INPP5F: variants seen among roughly 807,000 people sequenced by gnomAD.
The protein encoded by INPP5F is phosphatidylinositide 4-phosphatase SAC2.
A neutral mutation model predicts 137.2 loss-of-function variants in INPP5F; 97 were observed. The ratio of observed to expected loss-of-function variants is 0.71; its 90% CI spans 0.60 to 0.84. The LOEUF (loss-of-function observed/expected upper bound fraction) is 0.84, where lower values mean the gene tolerates loss of function less well. Ranked by LOEUF, INPP5F falls within the 40% of genes least tolerant of loss-of-function variation. The pLI, the probability that INPP5F is intolerant of heterozygous loss-of-function variation, is 0.00. For synonymous variants in INPP5F, 504 were observed against 476.9 expected (o/e 1.06, Z -0.74); for missense variants, 1,271 against 1,371.9 (o/e 0.93, Z 1.16).
chr10:119,765,115 G>A (rs1025089623), intron 2 of INPP5F, among the ~76,000 whole-genome samples: 9 of 151,496 alleles, frequency 5.9e-5, no homozygotes, highest in South Asian at 4.2e-4. Context: ...TGTGTTTTTC[G>A]TAGAGATGGG....
intron 2 of INPP5F, among the ~76,000 whole-genome samples, chr10:119,771,868 A>ATG (rs1849356374): frequency 3.5e-4 from 5 of 14,310 alleles, no homozygotes; most frequent in African/African-American, 1.1e-3. Context: ...ATATATATAT[A>ATG]TATATATATA....
rs370107870 is a variant in INPP5F at position 119,762,393 on chromosome 10, GTC to G, written c.178+11241_178+11242del. 8.6e-4 allele frequency among the ~76,000 whole-genome samples: 131 copies of G among 152,150 alleles called. 2 individuals are homozygous for G. The East Asian group carries it at 0.02, about 23-fold the overall frequency. On this transcript the variant is annotated intron_variant, in intron 2 of 19. Transcript: ENST00000650623. ...AGGAGGCGTGAGGGAGCTCTCCTGG[GTC>G]TCTTTTATAAGGGCACTAATCCCAT...
At chr10:119,791,224 A>G (rs1458094070) in intron 3 of INPP5F, among the ~76,000 whole-genome samples, 5 of 152,238 alleles carry the variant, frequency 3.3e-5, no homozygotes, top group African/African-American at 9.6e-5. Context: ...CAGCCGGAAC[A>G]TTTCACTCTT....
Position 119,806,383 on chromosome 10 carries a change from G to A in INPP5F, c.1343G>A (p.Cys448Tyr), listed in dbSNP as rs766505446. 1 of 1,588,918 alleles carries A rather than the reference G, an allele frequency of 6.3e-7. No individual in the cohort carries two copies. Among genetic ancestry groups the A allele is most frequent in the South Asian group, 1.1e-5 (1 of 87,092 alleles). Residue 448 changes from cysteine (C) to tyrosine (Y), a missense_variant, in exon 12 of 20, where the codon TGT becomes TAT. This residue lies in a region of INPP5F where 593 missense variants were observed against 712.4 expected (regional missense o/e 0.83). Transcript: ENST00000650623. ...WCWVDEAGVI[C>Y]KQEGIFRVNC... ...AGGGTTGATGAAGCTGGGGTAATATGTAAGCAGGAAGGGATTTTTCGTGTT... is the reference window on the plus strand; with the variant it reads ...AGGGTTGATGAAGCTGGGGTAATATATAAGCAGGAAGGGATTTTTCGTGTT...
At chr10:119,813,643 C>CA (rs1405943742) in intron 15 of INPP5F, among the ~76,000 whole-genome samples, 1 of 151,576 alleles carries the variant, frequency 6.6e-6, no homozygotes, top group Non-Finnish European at 1.5e-5. Flanking sequence ...CAAAACAAAA[C>CA]AAACAAAAAA....
At chr10:119,801,111 G>A (rs557265934) in intron 9 of INPP5F, among the ~76,000 whole-genome samples, 4 of 152,134 alleles carry the variant, frequency 2.6e-5, no homozygotes, top group Admixed American at 6.5e-5. Context: ...CAACCTAATT[G>A]TTCATCAGGA....
In INPP5F at chr10:119,726,419, CG is replaced by C. The variant is rs1483653096; in HGVS notation, c.97+62del. On this transcript the variant is annotated intron_variant, in intron 1 of 19. Coordinates refer to ENST00000650623, the MANE Select transcript of INPP5F (RefSeq NM_014937.4). ...GCCAGGGCGGGGAGAGGAGGGGGCG[CG>C]GCCGGACCCCTCAGCCGGGCGGGAG... 2.5e-5 allele frequency: 25 copies of C among 1,007,032 alleles called. No homozygotes were observed. In the East Asian group the frequency reaches 9.5e-4, roughly 38 times the overall value. 62.4% of individuals were successfully genotyped at this position (1,007,032 alleles called of 1,614,324 possible). A position where few individuals can be genotyped will look rare whatever the true frequency, so the allele number is the denominator to read the frequency against.
In INPP5F at chr10:119,791,631, C is replaced by G; in HGVS notation, c.430C>G (p.Pro144Ala). 5 of 1,603,148 alleles carry G rather than the reference C, an allele frequency of 3.1e-6. No individual in the cohort carries two copies. The highest frequency in any genetic ancestry group is 4.3e-6 in the Non-Finnish European group (5 of 1,171,760). The change falls in exon 4 of 20, where the codon CCT (proline) becomes GCT (alanine). Residue 144 changes from proline to alanine, a missense_variant. Pro to Ala is a conservative substitution (Grantham distance 27). Coordinates refer to ENST00000650623, the MANE Select transcript of INPP5F (RefSeq NM_014937.4). ...FTHIKSNVSA[P>A]NKKKVKESKE... is the part of the protein sequence containing the mutation. The stretch of plus-strand genomic sequence containing the variant: ...GCATATTAAATCCAATGTGTCTGCT[C>G]CTAATAAAAAGAAAGTAAGAGTTTA...
intron 1 of INPP5F, among the ~76,000 whole-genome samples, chr10:119,736,435 G>A (rs1026272245): frequency 1.3e-5 from 2 of 152,040 alleles, no homozygotes; most frequent in South Asian, 2.1e-4. Context: ...CAAAGTTCTC[G>A]GATTACAGGC....
chr10:119,796,914 G>A lies in INPP5F; in HGVS notation c.868+1G>A. The A allele has an allele frequency of 6.2e-7, 1 of 1,612,880 alleles. No homozygotes were observed. The highest frequency in any genetic ancestry group is 8.5e-7 in the Non-Finnish European group (1 of 1,178,888). On this transcript the variant is annotated splice_donor_variant, in intron 7 of 19. Coordinates refer to ENST00000650623, the MANE Select transcript of INPP5F (RefSeq NM_014937.4). LOFTEE classifies it high-confidence loss of function. ...TCACGCCGAAGTAGGCACAGAGCAG[G>A]TGAGTGGAGGGCTGTAATAGCATTC...
intron 2 of INPP5F, among the ~76,000 whole-genome samples, chr10:119,760,582 A>C (rs1477520942): frequency 6.6e-6 from 1 of 152,244 alleles, no homozygotes; most frequent in Non-Finnish European, 1.5e-5. Context: ...CTGAACATTT[A>C]AAAGTAATTC....
intron 2 of INPP5F, among the ~76,000 whole-genome samples, chr10:119,777,444 T>C (rs1330989983): frequency 2.0e-5 from 3 of 152,054 alleles, no homozygotes; most frequent in African/African-American, 7.3e-5. Flanking sequence ...GAGAACTGCT[T>C]AAACCTGGGA....
At chr10:119,755,077 T>C (rs796369702) in intron 2 of INPP5F, among the ~76,000 whole-genome samples, 1 of 152,240 alleles carries the variant, frequency 6.6e-6, no homozygotes, top group African/African-American at 2.4e-5. Flanking sequence ...ACAGATGTCA[T>C]TGACAGTCTT....
chr10:119,785,342 G>A (rs1849856569), intron 3 of INPP5F, among the ~76,000 whole-genome samples: 1 of 143,032 alleles, frequency 7.0e-6, no homozygotes, highest in Non-Finnish European at 1.5e-5. Context: ...CTGGAGTGCA[G>A]TGGCACGATC....
At chr10:119,807,270 C>T (rs1303280837) in intron 12 of INPP5F, among the ~76,000 whole-genome samples, 1 of 151,950 alleles carries the variant, frequency 6.6e-6, no homozygotes, top group East Asian at 1.9e-4. Flanking sequence ...AAGACTCTAT[C>T]TTCAAAATAA....
intron 1 of INPP5F, among the ~76,000 whole-genome samples, chr10:119,734,628 C>A (rs1848171278): frequency 6.6e-6 from 1 of 152,170 alleles, no homozygotes; most frequent in East Asian, 1.9e-4. Flanking sequence ...GCCACTGCAC[C>A]TAATAGCAGA....
At chr10:119,741,359 G>C (rs964067388) in intron 1 of INPP5F, among the ~76,000 whole-genome samples, 2 of 152,054 alleles carry the variant, frequency 1.3e-5, no homozygotes, top group African/African-American at 2.4e-5. Flanking sequence ...CCGCTGAGTG[G>C]GTTCCTGTTT....
intron 2 of INPP5F, among the ~76,000 whole-genome samples, chr10:119,771,319 T>A (rs931030765): frequency 2.0e-5 from 3 of 152,236 alleles, no homozygotes; most frequent in Non-Finnish European, 4.4e-5. Context: ...TAATATTCCC[T>A]TGTATAGATA....
At chr10:119,772,005 C>G (rs766436953) in intron 2 of INPP5F, among the ~76,000 whole-genome samples, 1 of 146,360 alleles carries the variant, frequency 6.8e-6, no homozygotes, top group Admixed American at 6.9e-5. Flanking sequence ...ACACGCCATT[C>G]TCCTGCCTCA....
Sources: allele counts gnomAD v4.1 joint callset (sites outside exome capture counted in the v4.1 genomes callset), GRCh38; gene constraint gnomAD v4.1.1; regional missense constraint gnomAD v4.1.1; transcripts MANE v1.5; gene names NCBI Gene and HGNC (gene_info 2026-07-23, HGNC 2026-07-21).